The following PFDN4 variants were observed in gnomAD, a reference collection of about 807,000 sequenced individuals.
PFDN4 encodes prefoldin 4.
A neutral mutation model predicts 17.6 loss-of-function variants in PFDN4; 6 were observed. The observed-to-expected ratio is 0.34, with a 90% CI of 0.19 to 0.67. The LOEUF is 0.67. Among genes scored for constraint, PFDN4 ranks in the 30% least tolerant of loss-of-function variants. PFDN4 has a pLI of 0.68. For synonymous variants in PFDN4, 48 were observed against 51.1 expected (o/e 0.94, Z 0.26); for missense variants, 119 against 158.4 (o/e 0.75, Z 1.33).
chr20:54,218,656 C>T (rs1178509253), intron 3 of PFDN4, among the ~76,000 whole-genome samples: 2 of 152,158 alleles, frequency 1.3e-5, no homozygotes, highest in African/African-American at 2.4e-5. Context: ...CCTGTAGTCT[C>T]ATAGTTATTT....
intron 1 of PFDN4, among the ~76,000 whole-genome samples, chr20:54,212,385 C>T (rs6064056): frequency 6.6e-6 from 1 of 152,212 alleles, no homozygotes; most frequent in Non-Finnish European, 1.5e-5. Context: ...AACTTTAGCC[C>T]TTAACCCCAG....
At chr20:54,214,584 C>T (rs893993286) in intron 2 of PFDN4, 126 bp downstream of exon 2, 1 of 532,882 alleles carries the variant, frequency 1.9e-6, no homozygotes. Context: ...GCGATCCACT[C>T]TAGTTAAGCA....
chr20:54,215,836 C>T (rs998727262), intron 3 of PFDN4, among the ~76,000 whole-genome samples: 1 of 152,230 alleles, frequency 6.6e-6, no homozygotes, highest in African/African-American at 2.4e-5. Flanking sequence ...CTTTTATGTT[C>T]TCTCTGCCTC....
chr20:54,219,135 A>G lies in PFDN4; in HGVS notation c.390A>G (p.Glu130=). ...YAKFGSNINL[E]ADES is the part of the protein sequence containing the mutation. ...AATTCGGGAGCAACATAAACCTTGA[A>G]GCTGATGAAAGTTAAACATTTTATA... Residue 130 remains glutamate (E), a synonymous_variant, in exon 4 of 4, where the codon GAA becomes GAG. Coordinates refer to ENST00000371419, the MANE Select transcript of PFDN4 (RefSeq NM_002623.4). 6.5e-7 allele frequency: 1 copy of G among 1,531,674 alleles called. No homozygotes were observed. Among genetic ancestry groups the G allele is most frequent in the Non-Finnish European group, 8.8e-7 (1 of 1,135,656 alleles). 94.9% of individuals were successfully genotyped at this position (1,531,674 alleles called of 1,614,324 possible).
chr20:54,214,437 G>A lies in PFDN4; in HGVS notation c.111G>A (p.Lys37=). ...ARNTSRITEL[K]EEIEVKKKQL... ...ATACAAGTAGAATCACAGAGCTGAAGGAAGAAATAGAAGTAAAAAAGGTAT... is the reference window on the plus strand; with the variant it reads ...ATACAAGTAGAATCACAGAGCTGAAAGAAGAAATAGAAGTAAAAAAGGTAT... Residue 37 remains lysine, a synonymous_variant, in exon 2 of 4, where the codon AAG becomes AAA. Coordinates refer to ENST00000371419, the MANE Select transcript of PFDN4 (RefSeq NM_002623.4). The A allele has an allele frequency of 6.5e-7, 1 of 1,545,902 alleles. No individual in the cohort carries two copies. Among genetic ancestry groups the A allele is most frequent in the East Asian group, 2.3e-5 (1 of 44,118 alleles).
intron 1 of PFDN4, among the ~76,000 whole-genome samples, chr20:54,213,032 G>C (rs555527380): frequency 6.6e-6 from 1 of 152,170 alleles, no homozygotes. Context: ...GTTATATTCC[G>C]ACCACTGAGC....
intron 1 of PFDN4, among the ~76,000 whole-genome samples, chr20:54,209,537 CA>C (rs1462513279): frequency 2.0e-5 from 3 of 152,182 alleles, no homozygotes; most frequent in East Asian, 3.9e-4. Flanking sequence ...CATGGTGATT[CA>C]AAAAAGTATG....
Position 54,214,466 on chromosome 20 carries a change from AAAT to A in PFDN4, c.132+12_132+14del, listed in dbSNP as rs1450029147. 7.5e-7 allele frequency: 1 copy of A among 1,327,050 alleles called. No individual in the cohort carries two copies. The highest frequency in any genetic ancestry group is 2.4e-5 in the East Asian group (1 of 41,112). The allele number at this position is 1,327,050 out of a possible 1,614,324, so 82.2% of individuals were successfully genotyped here. On this transcript the variant is annotated intron_variant, in intron 2 of 3. Transcript: ENST00000371419. ...GAAATAGAAGTAAAAAAGGTATTGAAAATAATTATTAGAAGAATAAAATTTTTT... is the reference window on the plus strand; with the variant it reads ...GAAATAGAAGTAAAAAAGGTATTGAAAATTATTAGAAGAATAAAATTTTTT...
intron 1 of PFDN4, chr20:54,208,413 G>C (rs911558225): frequency 2.5e-6 from 1 of 402,224 alleles, no homozygotes; most frequent in African/African-American, 2.1e-5. Context: ...GGGAGTCTGA[G>C]GAACCTGCAG....
Position 54,219,136 on chromosome 20 carries a change from G to A in PFDN4, c.391G>A (p.Ala131Thr). The change falls in exon 4 of 4, where the codon GCT becomes ACT. Residue 131 changes from alanine to threonine, a missense_variant. Physicochemically the swap from Ala to Thr is moderately conservative, Grantham distance 58 (BLOSUM62 0). Transcript: ENST00000371419. ...AKFGSNINLE[A>T]DES ...ATTCGGGAGCAACATAAACCTTGAA[G>A]CTGATGAAAGTTAAACATTTTATAA... The A allele has an allele frequency of 6.5e-7, 1 of 1,530,000 alleles. No homozygotes were observed. Among genetic ancestry groups the A allele is most frequent in the Non-Finnish European group, 8.8e-7 (1 of 1,134,734 alleles). 94.8% of individuals were successfully genotyped at this position (1,530,000 alleles called of 1,614,324 possible). A position where few individuals can be genotyped will look rare whatever the true frequency, so the allele number is the denominator to read the frequency against.
intron 3 of PFDN4, among the ~76,000 whole-genome samples, chr20:54,217,765 G>A (rs953222094): frequency 1.3e-5 from 2 of 152,154 alleles, no homozygotes; most frequent in South Asian, 2.1e-4. Context: ...AGGTTTTCTC[G>A]GTATAGAAAT....
intron 1 of PFDN4, among the ~76,000 whole-genome samples, chr20:54,213,008 A>G (rs1190150700): frequency 4.6e-5 from 7 of 152,238 alleles, no homozygotes; most frequent in African/African-American, 7.2e-5. Context: ...GAGCCTAACA[A>G]AGGGGAGGAC....
At chr20:54,214,059 C>G (rs1338969191) in intron 1 of PFDN4, among the ~76,000 whole-genome samples, 1 of 152,104 alleles carries the variant, frequency 6.6e-6, no homozygotes, top group Non-Finnish European at 1.5e-5. Flanking sequence ...TGCTCTGTGC[C>G]AAAAGTTGGC....
intron 3 of PFDN4, among the ~76,000 whole-genome samples, chr20:54,218,600 G>A (rs2092765757): frequency 1.3e-5 from 2 of 152,122 alleles, no homozygotes; most frequent in Admixed American, 1.3e-4. Flanking sequence ...ATCATAAGTT[G>A]TTCTTCTTAA....
At chr20:54,213,151 CTCATTA>C (rs2092758213) in intron 1 of PFDN4, among the ~76,000 whole-genome samples, 1 of 152,158 alleles carries the variant, frequency 6.6e-6, no homozygotes, top group Non-Finnish European at 1.5e-5. Context: ...ATGTTGTGAG[CTCATTA>C]CTGTTACTGC....
intron 2 of PFDN4, among the ~76,000 whole-genome samples, chr20:54,214,892 T>C (rs1409865156): frequency 6.6e-6 from 1 of 152,216 alleles, no homozygotes; most frequent in East Asian, 1.9e-4. Flanking sequence ...GAATTGAAGT[T>C]ATTATCACTT....
Position 54,211,235 on chromosome 20 carries a change from C to G in PFDN4, c.24+3111C>G, listed in dbSNP as rs376444241. Among the ~76,000 whole-genome samples, 10 of 152,292 alleles carry G rather than the reference C, an allele frequency of 6.6e-5. 1 individual carries two copies. Among genetic ancestry groups the G allele is most frequent in the African/African-American group, 2.4e-4 (10 of 41,552 alleles). ...GGGACCCAGCTGTCAGTGCAGACTCCGTGTAATACCTAGACTTGGTGTGAG... is the reference window on the plus strand; with the variant it reads ...GGGACCCAGCTGTCAGTGCAGACTCGGTGTAATACCTAGACTTGGTGTGAG... On this transcript the variant is annotated intron_variant, in intron 1 of 3. Coordinates refer to ENST00000371419, the MANE Select transcript of PFDN4 (RefSeq NM_002623.4).
chr20:54,211,041 C>T (rs2092755108), intron 1 of PFDN4, among the ~76,000 whole-genome samples: 1 of 152,172 alleles, frequency 6.6e-6, no homozygotes, highest in African/African-American at 2.4e-5. Context: ...GCCAAGATCA[C>T]ACCACTGCAC....
At chr20:54,209,030 AG>A (rs1282660445) in intron 1 of PFDN4, 1 of 152,246 alleles carries the variant, frequency 6.6e-6, no homozygotes, top group East Asian at 1.9e-4. Flanking sequence ...GTCAGATAGA[AG>A]AAAAAGAAAA....
Sources: gnomAD v4.1 joint callset for allele counts (sites outside exome capture counted in the v4.1 genomes callset) on GRCh38, gnomAD v4.1.1 for gene constraint, MANE v1.5 for transcripts, NCBI Gene and HGNC (gene_info 2026-07-23, HGNC 2026-07-21) for gene names.